The following BRINP1 variants were observed in gnomAD, a reference collection of about 807,000 sequenced individuals.
The protein encoded by BRINP1 is BMP/retinoic acid-inducible neural-specific protein 1.
In BRINP1, 17 loss-of-function variants were observed where a neutral mutation model predicts 72.9. The ratio of observed to expected loss-of-function variants is 0.23; its 90% confidence interval spans 0.16 to 0.35. BRINP1 has a LOEUF of 0.35. Ranked by LOEUF, BRINP1 falls within the 10% of genes least tolerant of loss-of-function variation. BRINP1 has a pLI of 1.00. For synonymous variants in BRINP1, 418 were observed against 378.5 expected, an observed-to-expected ratio of 1.10 and a Z score of -1.21; for missense variants, 850 against 1,001.6, an observed-to-expected ratio of 0.85 and a Z score of 2.04.
At chr9:119,199,324 A>C (rs745859520) in intron 7 of BRINP1, among the ~76,000 whole-genome samples, 7 of 152,220 alleles carry the variant, frequency 4.6e-5, no homozygotes, top group Admixed American at 6.5e-5. Flanking sequence ...ATGAATATTG[A>C]GGGTCATCAG....
chr9:119,171,018 T>G (rs898639519), intron 7 of BRINP1, among the ~76,000 whole-genome samples: 4 of 145,740 alleles, frequency 2.7e-5, no homozygotes, highest in African/African-American at 1.1e-4. Context: ...TACCAGCCGC[T>G]GCAAAATCAT....
At chr9:119,219,714 T>G in intron 5 of BRINP1, among the ~76,000 whole-genome samples, 1 of 150,562 alleles carries the variant, frequency 6.6e-6, no homozygotes, top group Non-Finnish European at 1.5e-5. Context: ...GTAAACTAGT[T>G]GCTTGGATGC....
chr9:119,338,182 A>G (rs751388613), intron 1 of BRINP1, among the ~76,000 whole-genome samples: 7 of 150,626 alleles, frequency 4.6e-5, no homozygotes, highest in African/African-American at 2.4e-5. Flanking sequence ...CCAATCTCCA[A>G]TCTCTAAGGC....
intron 1 of BRINP1, among the ~76,000 whole-genome samples, chr9:119,328,504 C>A (rs1190604075): frequency 6.6e-6 from 1 of 151,838 alleles, no homozygotes; most frequent in Non-Finnish European, 1.5e-5. Flanking sequence ...TAGGATAGAC[C>A]TAGAATTAAA....
intron 2 of BRINP1, among the ~76,000 whole-genome samples, chr9:119,310,520 A>G (rs992137125): frequency 2.0e-5 from 3 of 152,174 alleles, no homozygotes; most frequent in African/African-American, 7.2e-5. Flanking sequence ...CAAATGCAGG[A>G]GAAAGAAGAT....
Position 119,184,081 on chromosome 9 carries a change from A to AG in BRINP1, c.1146-15858dup, listed in dbSNP as rs71506208. 9.3e-4 allele frequency among the ~76,000 whole-genome samples: 141 copies of AG among 152,208 alleles called. 1 individual carries two copies. Among genetic ancestry groups the AG allele is most frequent in the Non-Finnish European group, 8.2e-4 (56 of 68,002 alleles). On this transcript the variant is annotated intron_variant, in intron 7 of 7. Transcript: ENST00000265922. ...AAACAGGAAGCTACTTCCGAGCCAC[A>AG]GGGGGGGAGAAAAAAAGAAAAAACC...
At chr9:119,354,863 T>C (rs1441410916) in intron 1 of BRINP1, among the ~76,000 whole-genome samples, 1 of 152,144 alleles carries the variant, frequency 6.6e-6, no homozygotes, top group Non-Finnish European at 1.5e-5. Context: ...AGTGAGACCC[T>C]GTCTCAGAGA....
rs1831415280 is a variant in BRINP1, at chr9:119,342,471, A to G, written c.-51+26585T>C. Among the ~76,000 whole-genome samples the G allele has an allele frequency of 2.6e-5, 4 of 152,200 alleles. No homozygotes were observed. The South Asian group carries it at 8.3e-4, about 32-fold the overall frequency. Reference sequence around the variant, plus strand: ...AATGGCCTGCAAAAAGTGTCATATAAGAACAAGAAATTTTGAGCCAGATTA... The same window carrying G: ...AATGGCCTGCAAAAAGTGTCATATAGGAACAAGAAATTTTGAGCCAGATTA... On this transcript the variant is annotated intron_variant, in intron 1 of 7. Coordinates refer to ENST00000265922, the MANE Select transcript of BRINP1 (RefSeq NM_014618.3).
intron 2 of BRINP1, chr9:119,282,821 T>A: frequency 1.0e-6 from 1 of 984,982 alleles, no homozygotes; most frequent in Non-Finnish European, 1.2e-6. Flanking sequence ...AAGGGGAGAG[T>A]AATAGCTGGT....
At chr9:119,366,052 C>A (rs73536348) in intron 1 of BRINP1, among the ~76,000 whole-genome samples, 30 of 152,030 alleles carry the variant, frequency 2.0e-4, no homozygotes, top group African/African-American at 7.0e-4. Flanking sequence ...TTCTCCTTCC[C>A]TGGAGTTTAT....
chr9:119,276,782 A>C (rs1206256737), intron 2 of BRINP1, among the ~76,000 whole-genome samples: 1 of 152,148 alleles, frequency 6.6e-6, no homozygotes, highest in African/African-American at 2.4e-5. Context: ...AGCAGATTTA[A>C]ATTCTTTGTC....
intron 7 of BRINP1, among the ~76,000 whole-genome samples, chr9:119,171,241 CAT>C (rs1488609552): frequency 2.0e-5 from 3 of 148,010 alleles, no homozygotes; most frequent in Admixed American, 2.0e-4. Flanking sequence ...AAACCCATCT[CAT>C]GTGCAGAGAC....
chr9:119,173,527 G>A (rs1337227092), intron 7 of BRINP1, among the ~76,000 whole-genome samples: 3 of 152,164 alleles, frequency 2.0e-5, no homozygotes, highest in South Asian at 2.1e-4. Context: ...TGGGTAGGAA[G>A]AATCAATATC....
intron 7 of BRINP1, among the ~76,000 whole-genome samples, chr9:119,174,818 G>A (rs2118828160): frequency 6.6e-6 from 1 of 151,140 alleles, no homozygotes; most frequent in Non-Finnish European, 1.5e-5. Flanking sequence ...TCCTTTGTAG[G>A]GACATGGATG....
At chr9:119,176,138 C>G (rs1829486222) in intron 7 of BRINP1, among the ~76,000 whole-genome samples, 2 of 152,194 alleles carry the variant, frequency 1.3e-5, no homozygotes, top group Non-Finnish European at 2.9e-5. Flanking sequence ...ATTTTACAGA[C>G]ATGGCAATGG....
chr9:119,264,330 C>T lies in BRINP1; in HGVS notation c.219-15180G>A, dbSNP rs535723889. Among the ~76,000 whole-genome samples the T allele has an allele frequency of 4.6e-5, 7 of 152,280 alleles. 1 individual carries two copies. The South Asian group carries it at 1.4e-3, about 32-fold the overall frequency. ...AGACACACAGAAGAACAAATGCCACCCACCTGGTCCCCCTGATTCTACCTT... is the reference window on the plus strand; with the variant it reads ...AGACACACAGAAGAACAAATGCCACTCACCTGGTCCCCCTGATTCTACCTT... On this transcript the variant is annotated intron_variant, in intron 2 of 7. Coordinates refer to ENST00000265922, the MANE Select transcript of BRINP1 (RefSeq NM_014618.3).
intron 1 of BRINP1, among the ~76,000 whole-genome samples, chr9:119,344,073 G>T (rs2119026265): frequency 6.6e-6 from 1 of 152,274 alleles, no homozygotes; most frequent in African/African-American, 2.4e-5. Flanking sequence ...GAAGCTCAGG[G>T]GAGGAAGCGG....
At chr9:119,337,764 T>C (rs1831362078) in intron 1 of BRINP1, among the ~76,000 whole-genome samples, 2 of 152,360 alleles carry the variant, frequency 1.3e-5, no homozygotes, top group South Asian at 4.1e-4. Flanking sequence ...TTAGTTCAAG[T>C]TCCACCTAAG....
intron 2 of BRINP1, among the ~76,000 whole-genome samples, chr9:119,253,834 A>G (rs1242465131): frequency 1.3e-5 from 2 of 152,214 alleles, no homozygotes; most frequent in Non-Finnish European, 2.9e-5. Flanking sequence ...CAAGGACCAC[A>G]GGATGAATGA....
Sources: gnomAD v4.1 joint callset for allele counts (sites outside exome capture counted in the v4.1 genomes callset) on GRCh38, gnomAD v4.1.1 for gene constraint, MANE v1.5 for transcripts, NCBI Gene and HGNC (gene_info 2026-07-23, HGNC 2026-07-21) for gene names.